Variants in NTNG1 observed in about 807,000 individuals in gnomAD.
NTNG1 encodes the protein netrin G1.
In NTNG1, 16 loss-of-function variants were observed where a neutral mutation model predicts 54.0. The ratio of observed to expected loss-of-function variants is 0.30; its 90% CI spans 0.20 to 0.45. The LOEUF (loss-of-function observed/expected upper bound fraction) is 0.45, where lower values mean the gene tolerates loss of function less well. Ranked by LOEUF, NTNG1 falls within the 20% of genes least tolerant of loss-of-function variation. The pLI, the probability that NTNG1 is intolerant of heterozygous loss-of-function variation, is 1.00. For synonymous variants in NTNG1, 255 were observed against 263.1 expected (o/e 0.97, Z 0.30); for missense variants, 530 against 678.7 (o/e 0.78, Z 2.43).
chr1:107,184,447 A>G lies in NTNG1; in HGVS notation c.246+35608A>G, dbSNP rs553777308. On this transcript the variant is annotated intron_variant, in intron 2 of 7. Transcript: ENST00000370068. ...CCATAGTAAATGGCCGGTTGTTGCC[A>G]CTGAGTAGTTTTCTCACCCTGCTTC... Among the ~76,000 whole-genome samples the G allele has an allele frequency of 2.6e-4, 39 of 152,224 alleles. 1 individual carries two copies. Among genetic ancestry groups the G allele is most frequent in the Middle Eastern group, 6.8e-3 (2 of 294 alleles).
chr1:107,466,870 C>T (rs752618534), intron 7 of NTNG1, among the ~76,000 whole-genome samples: 3 of 152,150 alleles, frequency 2.0e-5, no homozygotes, highest in African/African-American at 7.2e-5. Flanking sequence ...TGCTCTTCTT[C>T]GAAAAGCTGT....
chr1:107,324,844 C>T lies in NTNG1; in HGVS notation c.809C>T (p.Ala270Val). The T allele has an allele frequency of 1.2e-6, 2 of 1,613,460 alleles. No homozygotes were observed. Among genetic ancestry groups the T allele is most frequent in the Non-Finnish European group, 1.7e-6 (2 of 1,179,658 alleles). ...CTGAGGATAAGGCTGTTAAGACCAGCCGTTGGGGAAATATTTGTAGATGAG... is the reference window on the plus strand; with the variant it reads ...CTGAGGATAAGGCTGTTAAGACCAGTCGTTGGGGAAATATTTGTAGATGAG... ...TDLRIRLLRP[A>V]VGEIFVDELH... Residue 270 changes from alanine (A) to valine (V), a missense_variant, in exon 3 of 8, where the codon GCC becomes GTC. Transcript: ENST00000370068.
chr1:107,248,316 G>A (rs1431346319), intron 2 of NTNG1, among the ~76,000 whole-genome samples: 1 of 152,154 alleles, frequency 6.6e-6, no homozygotes, highest in African/African-American at 2.4e-5. Context: ...GATGGCAGTG[G>A]CAGCATCATG....
intron 7 of NTNG1, among the ~76,000 whole-genome samples, chr1:107,444,629 A>G (rs894693657): frequency 3.3e-5 from 5 of 152,128 alleles, no homozygotes; most frequent in Non-Finnish European, 7.4e-5. Flanking sequence ...TTTACTTGAC[A>G]ATCCATGTTA....
At chr1:107,410,168 G>T (rs1673705563) in intron 5 of NTNG1, 1 of 152,096 alleles carries the variant, frequency 6.6e-6, no homozygotes, top group African/African-American at 2.4e-5. Context: ...ACACCCCTGA[G>T]ACCCCGATTA....
At chr1:107,358,537 T>C (rs1227064484) in intron 3 of NTNG1, among the ~76,000 whole-genome samples, 1 of 152,000 alleles carries the variant, frequency 6.6e-6, no homozygotes, top group Non-Finnish European at 1.5e-5. Context: ...ACTGAAAATC[T>C]GGTCATCTTT....
At chr1:107,278,911 T>A (rs1664656838) in intron 2 of NTNG1, among the ~76,000 whole-genome samples, 1 of 152,150 alleles carries the variant, frequency 6.6e-6, no homozygotes, top group Admixed American at 6.5e-5. Context: ...ATTCCACTGA[T>A]CATCTCAGTT....
At chr1:107,444,707 G>T (rs1023895996) in intron 7 of NTNG1, among the ~76,000 whole-genome samples, 1 of 152,056 alleles carries the variant, frequency 6.6e-6, no homozygotes. Context: ...ATTTCACACC[G>T]CAGAACCACT....
At chr1:107,174,014 C>G (rs1264555603) in intron 2 of NTNG1, among the ~76,000 whole-genome samples, 2 of 151,982 alleles carry the variant, frequency 1.3e-5, no homozygotes, top group Non-Finnish European at 1.5e-5. Context: ...ATCACATATT[C>G]CACAACAGAA....
intron 2 of NTNG1, among the ~76,000 whole-genome samples, chr1:107,160,184 A>G (rs900289109): frequency 9.2e-5 from 14 of 152,176 alleles, no homozygotes; most frequent in African/African-American, 3.1e-4. Context: ...TGTGTTTATT[A>G]TAGAACTCTT....
chr1:107,283,275 AC>A (rs1228999956), intron 2 of NTNG1, among the ~76,000 whole-genome samples: 2 of 152,004 alleles, frequency 1.3e-5, no homozygotes, highest in Non-Finnish European at 2.9e-5. Context: ...AGAATCTCTA[AC>A]CTTTTTCAGC....
chr1:107,193,710 G>A (rs1658123689), intron 2 of NTNG1, among the ~76,000 whole-genome samples: 1 of 151,928 alleles, frequency 6.6e-6, no homozygotes, highest in Non-Finnish European at 1.5e-5. Flanking sequence ...CACCGTCTTA[G>A]TTCAAACCCT....
At chr1:107,398,213 C>T (rs1355572724) in intron 4 of NTNG1, among the ~76,000 whole-genome samples, 1 of 152,058 alleles carries the variant, frequency 6.6e-6, no homozygotes, top group Non-Finnish European at 1.5e-5. Flanking sequence ...GGGTGCAGTG[C>T]ACCAGCATGG....
chr1:107,437,091 C>A lies in NTNG1; in HGVS notation c.1390+292C>A, dbSNP rs1042764344. ...TAAATTAAGTGACACAATAGGGACC[C>A]AGCGTGGAAATCTTCACCGCAGAAT... On this transcript the variant is annotated intron_variant, in intron 7 of 7. Coordinates refer to ENST00000370068, the MANE Select transcript of NTNG1 (RefSeq NM_001113226.3). 5.3e-5 allele frequency among the ~76,000 whole-genome samples: 8 copies of A among 152,154 alleles called. No individual in the cohort carries two copies. In the East Asian group the frequency reaches 1.5e-3, roughly 29 times the overall value.
At chr1:107,171,525 T>C (rs1656237960) in intron 2 of NTNG1, among the ~76,000 whole-genome samples, 1 of 152,108 alleles carries the variant, frequency 6.6e-6, no homozygotes, top group Non-Finnish European at 1.5e-5. Context: ...TCAAAGACAC[T>C]GGGTTCTTTT....
chr1:107,224,539 A>T (rs986481279), intron 2 of NTNG1, among the ~76,000 whole-genome samples: 1 of 152,132 alleles, frequency 6.6e-6, no homozygotes, highest in African/African-American at 2.4e-5. Context: ...CAGGGAACTC[A>T]TCAAGAGGAT....
chr1:107,367,763 TG>T (rs1192178917), intron 3 of NTNG1, among the ~76,000 whole-genome samples: 1 of 152,098 alleles, frequency 6.6e-6, no homozygotes, highest in Non-Finnish European at 1.5e-5. Context: ...TTTTGTTTTT[TG>T]GGGGTATTTT....
In NTNG1 at chr1:107,235,352, G is replaced by C. The variant is rs1006116273; in HGVS notation, c.246+86513G>C. 3.9e-5 allele frequency among the ~76,000 whole-genome samples: 6 copies of C among 152,166 alleles called. 1 individual carries two copies. Among genetic ancestry groups the C allele is most frequent in the Admixed American group, 2.0e-4 (3 of 15,266 alleles). ...AAATCAACATCGCAAATTCCGGAGA[G>C]ACAGGCACATTAAAAGAGAAATGAC... On this transcript the variant is annotated intron_variant, in intron 2 of 7. Coordinates refer to ENST00000370068, the MANE Select transcript of NTNG1 (RefSeq NM_001113226.3).
At chr1:107,199,515 A>G (rs547795045) in intron 2 of NTNG1, among the ~76,000 whole-genome samples, 1 of 152,044 alleles carries the variant, frequency 6.6e-6, no homozygotes, top group South Asian at 2.1e-4. Flanking sequence ...AGTAATACTA[A>G]GTATTATCTC....
Sources: allele counts gnomAD v4.1 joint callset (sites outside exome capture counted in the v4.1 genomes callset), GRCh38; gene constraint gnomAD v4.1.1; transcripts MANE v1.5; gene names NCBI Gene and HGNC (gene_info 2026-07-23, HGNC 2026-07-21).